The following SNTG1 variants were observed in gnomAD, a reference collection of about 807,000 sequenced individuals.
SNTG1 encodes the protein gamma-1-syntrophin.
A neutral mutation model predicts 74.7 loss-of-function variants in SNTG1; 39 were observed. The observed-to-expected ratio is 0.52, with a 90% CI of 0.40 to 0.68. The LOEUF is 0.68. SNTG1 is among the 30% of genes least tolerant of loss of function. The probability of loss-of-function intolerance (pLI) is 0.00; values close to 1 mark genes in which losing one functional copy is unlikely to be tolerated. For missense variants in SNTG1, 685 were observed against 609.5 expected, an observed-to-expected ratio of 1.12 and a Z score of -1.30; for synonymous variants, 254 against 217.1, an observed-to-expected ratio of 1.17 and a Z score of -1.49.
In SNTG1 at chr8:50,178,725, TCATATCGAGATATATA is replaced by T. The variant is rs2083093178; in HGVS notation, c.-28+6091_-28+6106del. Among the ~76,000 whole-genome samples the T allele has an allele frequency of 2.6e-5, 4 of 152,188 alleles. No individual in the cohort carries two copies. In the South Asian group the frequency reaches 8.3e-4, roughly 32 times the overall value. On this transcript the variant is annotated intron_variant, in intron 2 of 18. Transcript: ENST00000642720. ...TTCTGTTCATTATTTTTGTTCTTTA[TCATATCGAGATATATA>T]TTTGCCTCATCCTATAATCTCACCT... is the stretch of plus-strand genomic sequence containing the variant.
chr8:50,289,536 A>G (rs899183644), intron 2 of SNTG1, among the ~76,000 whole-genome samples: 2 of 152,146 alleles, frequency 1.3e-5, no homozygotes, highest in African/African-American at 2.4e-5. Flanking sequence ...CACTAACACC[A>G]TTGAAGTTCT....
chr8:50,308,799 G>A (rs2089995611), intron 2 of SNTG1, among the ~76,000 whole-genome samples: 1 of 152,128 alleles, frequency 6.6e-6, no homozygotes. Flanking sequence ...GGCTCTTAAA[G>A]TCAGAAACGC....
intron 17 of SNTG1, among the ~76,000 whole-genome samples, chr8:50,726,397 G>A (rs1425264871): frequency 6.6e-6 from 1 of 152,172 alleles, no homozygotes; most frequent in Non-Finnish European, 1.5e-5. Flanking sequence ...AACGAGACAT[G>A]AACTGGCCGA....
At chr8:50,379,490 A>G (rs1482605052) in intron 2 of SNTG1, among the ~76,000 whole-genome samples, 3 of 152,014 alleles carry the variant, frequency 2.0e-5, no homozygotes, top group Admixed American at 6.5e-5. Context: ...ACAGCTATGC[A>G]TTGGGTGACT....
intron 1 of SNTG1, among the ~76,000 whole-genome samples, chr8:50,040,880 G>A (rs1818577528): frequency 6.6e-6 from 1 of 152,108 alleles, no homozygotes; most frequent in Non-Finnish European, 1.5e-5. Flanking sequence ...GCACAAAGGG[G>A]CATTTTTTAA....
At chr8:50,613,870 G>A (rs2094868214) in intron 13 of SNTG1, among the ~76,000 whole-genome samples, 1 of 152,080 alleles carries the variant, frequency 6.6e-6, no homozygotes, top group African/African-American at 2.4e-5. Flanking sequence ...AAATCCTTGA[G>A]TAGGTCTATA....
At chr8:50,594,626 G>C (rs996785393) in intron 13 of SNTG1, among the ~76,000 whole-genome samples, 1 of 152,108 alleles carries the variant, frequency 6.6e-6, no homozygotes, top group Non-Finnish European at 1.5e-5. Flanking sequence ...AATTAAAAGT[G>C]ACTAGAGTCA....
intron 18 of SNTG1, among the ~76,000 whole-genome samples, chr8:50,788,869 G>A (rs2095683441): frequency 6.6e-6 from 1 of 151,868 alleles, no homozygotes; most frequent in Non-Finnish European, 1.5e-5. Context: ...CAATTGTCCA[G>A]GTTTCCATCC....
At chr8:50,770,354 C>A (rs1000861096) in intron 18 of SNTG1, among the ~76,000 whole-genome samples, 5 of 152,018 alleles carry the variant, frequency 3.3e-5, no homozygotes, top group African/African-American at 1.2e-4. Context: ...TTATTAAAAA[C>A]AAAACAAGCT....
rs567577001 is a variant in SNTG1, at chr8:49,934,673, T to C, written c.-103+22442T>C. On this transcript the variant is annotated intron_variant, in intron 1 of 18. Transcript: ENST00000642720. Reference sequence around the variant, plus strand: ...GTAATAATTGCCATTGTCATGATTATGTCGACAAGTCCTATGACATTTCAT... The same window carrying C: ...GTAATAATTGCCATTGTCATGATTACGTCGACAAGTCCTATGACATTTCAT... 5.3e-5 allele frequency among the ~76,000 whole-genome samples: 8 copies of C among 152,328 alleles called. No individual in the cohort carries two copies. In the South Asian group the frequency reaches 1.7e-3, roughly 32 times the overall value.
intron 8 of SNTG1, chr8:50,457,145 C>T (rs139375659): frequency 4.6e-4 from 70 of 152,288 alleles, no homozygotes; most frequent in African/African-American, 1.5e-3. Context: ...GTCTTGCCCT[C>T]GTTTTTCTCA....
intron 1 of SNTG1, among the ~76,000 whole-genome samples, chr8:50,091,812 T>G (rs1158597950): frequency 1.3e-5 from 2 of 152,048 alleles, no homozygotes; most frequent in Admixed American, 6.6e-5. Flanking sequence ...GATAAAAAAC[T>G]TTTTAAATTT....
intron 1 of SNTG1, among the ~76,000 whole-genome samples, chr8:50,102,234 T>C (rs1378381887): frequency 1.4e-4 from 21 of 148,364 alleles, no homozygotes; most frequent in African/African-American, 5.2e-4. Flanking sequence ...TTTCCTGACT[T>C]TTTAATGATT....
At chr8:50,747,325 G>C (rs906881384) in intron 17 of SNTG1, among the ~76,000 whole-genome samples, 2 of 151,930 alleles carry the variant, frequency 1.3e-5, no homozygotes, top group African/African-American at 4.8e-5. Flanking sequence ...TGAACTAGTA[G>C]AATTGTTCAG....
chr8:50,375,726 A>G (rs2092364867), intron 2 of SNTG1, among the ~76,000 whole-genome samples: 1 of 152,210 alleles, frequency 6.6e-6, no homozygotes, highest in Admixed American at 6.5e-5. Flanking sequence ...TAGTAACCCT[A>G]TAGGTCCTTG....
At chr8:50,333,906 G>A (rs2091052513) in intron 2 of SNTG1, among the ~76,000 whole-genome samples, 1 of 152,168 alleles carries the variant, frequency 6.6e-6, no homozygotes, top group Admixed American at 6.5e-5. Context: ...CCATTAAAGT[G>A]CCACATGGAT....
chr8:50,527,636 T>C (rs1195960842), intron 9 of SNTG1, among the ~76,000 whole-genome samples: 2 of 152,082 alleles, frequency 1.3e-5, no homozygotes, highest in Non-Finnish European at 2.9e-5. Context: ...TATTTATTAT[T>C]GTAACATATC....
At chr8:50,269,124 G>T (rs775067688) in intron 2 of SNTG1, among the ~76,000 whole-genome samples, 2 of 152,132 alleles carry the variant, frequency 1.3e-5, no homozygotes, top group African/African-American at 2.4e-5. Context: ...AACATGAAAT[G>T]TAAAACTATT....
At chr8:50,210,979 T>C (rs951622452) in intron 2 of SNTG1, among the ~76,000 whole-genome samples, 5 of 152,172 alleles carry the variant, frequency 3.3e-5, no homozygotes, top group Admixed American at 1.3e-4. Context: ...ACCCCTGCAA[T>C]GAGTGTAATT....
Sources: allele counts gnomAD v4.1 joint callset (sites outside exome capture counted in the v4.1 genomes callset), GRCh38; gene constraint gnomAD v4.1.1; transcripts MANE v1.5; gene names NCBI Gene and HGNC (gene_info 2026-07-23, HGNC 2026-07-21).